Variants in PRPF39 observed in about 807,000 individuals in gnomAD.
The protein encoded by PRPF39 is pre-mRNA-processing factor 39.
In PRPF39, 27 loss-of-function variants were observed where a neutral mutation model predicts 82.1. The ratio of observed to expected loss-of-function variants is 0.33; its 90% CI spans 0.24 to 0.45. The LOEUF (loss-of-function observed/expected upper bound fraction) is 0.45. Among genes scored for constraint, PRPF39 ranks in the 20% least tolerant of loss-of-function variants. The pLI, the probability that PRPF39 is intolerant of heterozygous loss-of-function variation, is 1.00. For missense variants in PRPF39, 581 were observed against 796.9 expected (o/e 0.73, Z 3.26); for synonymous variants, 261 against 256.4 (o/e 1.02, Z -0.17).
At position 45,110,512 on chromosome 14, in the gene PRPF39, T is replaced by C. The variant is rs1268491561; in HGVS notation, c.1304-37T>C. On this transcript the variant is annotated intron_variant, in intron 9 of 13. Coordinates refer to ENST00000355765, the MANE Select transcript of PRPF39 (RefSeq NM_017922.4). This position sits in a 1 kb window ranked among gnomAD's most constrained non-coding sequence, Gnocchi z 4.0. Reference sequence around the variant, plus strand: ...TGGTTATAAACGTTATTTTGGTTGTTTAAACCAAAGCATAAACATTTAATT... The same window carrying C: ...TGGTTATAAACGTTATTTTGGTTGTCTAAACCAAAGCATAAACATTTAATT... The C allele has an allele frequency of 3.3e-6, 5 of 1,534,006 alleles. No homozygotes were observed. In the South Asian group the frequency reaches 6.0e-5, roughly 19 times the overall value.
intron 1 of PRPF39, among the ~76,000 whole-genome samples, chr14:45,087,616 C>G (rs1264853538): frequency 2.7e-4 from 41 of 151,894 alleles, no homozygotes; most frequent in Non-Finnish European, 2.5e-4. Context: ...CTCTGTCACC[C>G]AGGCTGGAGT....
intron 4 of PRPF39, among the ~76,000 whole-genome samples, chr14:45,102,065 C>T (rs1441969278): frequency 6.6e-6 from 1 of 152,116 alleles, no homozygotes; most frequent in African/African-American, 2.4e-5. Flanking sequence ...CCTCAGCCTC[C>T]CTAAGTGCTG....
chr14:45,111,161 G>A (rs1348842044), intron 10 of PRPF39, among the ~76,000 whole-genome samples: 1 of 152,178 alleles, frequency 6.6e-6, no homozygotes, highest in African/African-American at 2.4e-5. Context: ...TGCCTATGTT[G>A]TAAGCACATT....
intron 4 of PRPF39, among the ~76,000 whole-genome samples, chr14:45,100,759 G>T (rs1884350575): frequency 6.6e-6 from 1 of 152,110 alleles, no homozygotes; most frequent in Non-Finnish European, 1.5e-5. Flanking sequence ...TCCAATGTTG[G>T]TATGTTTTTA....
In PRPF39 at chr14:45,110,029, C is replaced by T; in HGVS notation, c.1177-65C>T. 1 of 1,600,472 alleles carries T rather than the reference C, an allele frequency of 6.2e-7. No individual in the cohort carries two copies. The highest frequency in any genetic ancestry group is 8.5e-7 in the Non-Finnish European group (1 of 1,171,672). ...GGTTTAAAAATAGAATTTTATCGTT[C>T]TGTCACAAATTTAATGGCTTGTTCA... On this transcript the variant is annotated intron_variant, in intron 8 of 13. Transcript: ENST00000355765. The surrounding 1 kb of genome is among the most constrained non-coding windows in gnomAD (Gnocchi z 4.0).
In PRPF39 at chr14:45,109,055, C is replaced by T. The variant is rs146166692; in HGVS notation, c.1011+533C>T. 4.1e-3 allele frequency among the ~76,000 whole-genome samples: 623 copies of T among 152,264 alleles called. 4 individuals carry two copies. The highest frequency in any genetic ancestry group is 0.014 in the African/African-American group (576 of 41,536). On this transcript the variant is annotated intron_variant, in intron 7 of 13. Coordinates refer to ENST00000355765, the MANE Select transcript of PRPF39 (RefSeq NM_017922.4). Reference sequence around the variant, plus strand: ...AAATAACACCTTAACTTTTAGTTGTCACTACCCCTACCTCCTCAGCTGCGA... The same window carrying T: ...AAATAACACCTTAACTTTTAGTTGTTACTACCCCTACCTCCTCAGCTGCGA...
intron 4 of PRPF39, among the ~76,000 whole-genome samples, chr14:45,097,411 A>T (rs991520637): frequency 1.3e-5 from 2 of 152,106 alleles, no homozygotes; most frequent in African/African-American, 4.8e-5. Context: ...AAAGTACTCT[A>T]TTTCACCAAA....
At chr14:45,100,003 G>A (rs1884324080) in intron 4 of PRPF39, among the ~76,000 whole-genome samples, 1 of 152,098 alleles carries the variant, frequency 6.6e-6, no homozygotes, top group East Asian at 1.9e-4. Context: ...CAGGCACAGT[G>A]GATCACTTGA....
chr14:45,096,295 ATTTTTTTTTTTT>A lies in PRPF39; in HGVS notation c.450+77_450+88del. ...TAAGCCAATTAATAACAAAACAAAGATTTTTTTTTTTTTTTTTTTTTGGCTGGCAGTACCTAC... is the reference window on the plus strand; with the variant it reads ...TAAGCCAATTAATAACAAAACAAAGATTTTTTTTTGGCTGGCAGTACCTAC... On this transcript the variant is annotated intron_variant, in intron 3 of 13. Transcript: ENST00000355765. The A allele has an allele frequency of 6.2e-6, 8 of 1,288,702 alleles. No individual in the cohort carries two copies. In the South Asian group the frequency reaches 9.4e-5, roughly 15 times the overall value. The allele number at this position is 1,288,702 out of a possible 1,614,324, so 79.8% of individuals were successfully genotyped here.
In PRPF39 at chr14:45,098,663, TA is replaced by T. The variant is rs1206081859; in HGVS notation, c.569+1664del. Among the ~76,000 whole-genome samples the T allele has an allele frequency of 6.6e-5, 10 of 152,312 alleles. No homozygotes were observed. In the East Asian group the frequency reaches 1.7e-3, roughly 26 times the overall value. ...TAGCTTTCTATACAATCAGATCTGT[TA>T]AAAAATGTGTAAGTCCCATTTTTTC... On this transcript the variant is annotated intron_variant, in intron 4 of 13. Coordinates refer to ENST00000355765, the MANE Select transcript of PRPF39 (RefSeq NM_017922.4).
Position 45,115,623 on chromosome 14 carries a change from G to C in PRPF39, c.*710G>C, listed in dbSNP as rs1222273475. 1 of 152,436 alleles carries C rather than the reference G, an allele frequency of 6.6e-6. No individual in the cohort carries two copies. The highest frequency in any genetic ancestry group is 1.5e-5 in the Non-Finnish European group (1 of 67,988). 9.4% of individuals were successfully genotyped at this position (152,436 alleles called of 1,614,324 possible). A position where few individuals can be genotyped will look rare whatever the true frequency, so the allele number is the denominator to read the frequency against. ...GTAATTGTTTATGAATTTATTTTGGGGGGATCAATTAGTAATATTAACCTT... is the reference window on the plus strand; with the variant it reads ...GTAATTGTTTATGAATTTATTTTGGCGGGATCAATTAGTAATATTAACCTT... On this transcript the variant is annotated 3_prime_UTR_variant, in exon 14 of 14. Coordinates refer to ENST00000355765, the MANE Select transcript of PRPF39 (RefSeq NM_017922.4).
intron 4 of PRPF39, among the ~76,000 whole-genome samples, chr14:45,101,809 CTT>C (rs34278709): frequency 2.0e-4 from 27 of 137,558 alleles, no homozygotes; most frequent in Non-Finnish European, 2.2e-4. Flanking sequence ...TATATGTATA[CTT>C]TTTTTTTTTT....
intron 1 of PRPF39, among the ~76,000 whole-genome samples, chr14:45,091,975 T>G (rs1202102592): frequency 2.0e-5 from 3 of 152,248 alleles, no homozygotes. Flanking sequence ...TCAAGGTTGG[T>G]ATTTCTTAAT....
At chr14:45,084,655 C>G (rs1373270727) in intron 1 of PRPF39, among the ~76,000 whole-genome samples, 1 of 152,102 alleles carries the variant, frequency 6.6e-6, no homozygotes, top group Admixed American at 6.5e-5. Flanking sequence ...CGTTCTATTA[C>G]TAAGGCATGT....
intron 1 of PRPF39, among the ~76,000 whole-genome samples, chr14:45,094,073 A>G (rs548961447): frequency 6.6e-6 from 1 of 152,008 alleles, no homozygotes; most frequent in East Asian, 1.9e-4. Context: ...CCTTTGCATT[A>G]TTGTCTTTAA....
In PRPF39 at chr14:45,096,511, C is replaced by G. The variant is rs1342580973; in HGVS notation, c.450+283C>G. 2.1e-6 allele frequency: 3 copies of G among 1,440,694 alleles called. No individual in the cohort carries two copies. In the Admixed American group the frequency reaches 6.3e-5, roughly 30 times the overall value. The allele number at this position is 1,440,694 out of a possible 1,614,324, so 89.2% of individuals were successfully genotyped here. A position where few individuals can be genotyped will look rare whatever the true frequency, so the allele number is the denominator to read the frequency against. On this transcript the variant is annotated intron_variant, in intron 3 of 13. Coordinates refer to ENST00000355765, the MANE Select transcript of PRPF39 (RefSeq NM_017922.4). Reference sequence around the variant, plus strand: ...TTAACAAGTAGGGCAGGGCTTTTCTCTCACTTACATTTATTTCTCATTTTC... The same window carrying G: ...TTAACAAGTAGGGCAGGGCTTTTCTGTCACTTACATTTATTTCTCATTTTC...
chr14:45,112,001 T>C (rs1854212320), intron 10 of PRPF39, among the ~76,000 whole-genome samples: 1 of 152,112 alleles, frequency 6.6e-6, no homozygotes, highest in South Asian at 2.1e-4. Context: ...TTTTTTTTTA[T>C]GTTTTGTTTT....
rs925137947 is a variant in PRPF39 at position 45,095,194 on chromosome 14, A to G, written c.-19-27A>G. On this transcript the variant is annotated intron_variant, in intron 1 of 13. Coordinates refer to ENST00000355765, the MANE Select transcript of PRPF39 (RefSeq NM_017922.4). ...ATAATTTTATTGGCATTTGGAAGATATTTCTCTTTTTTTCGTGTTTCCACA... is the reference window on the plus strand; with the variant it reads ...ATAATTTTATTGGCATTTGGAAGATGTTTCTCTTTTTTTCGTGTTTCCACA... 7.1e-6 allele frequency: 10 copies of G among 1,412,216 alleles called. 1 individual carries two copies. The Middle Eastern group carries it at 5.5e-4, about 77-fold the overall frequency. 87.5% of individuals were successfully genotyped at this position (1,412,216 alleles called of 1,614,324 possible).
At position 45,095,557 on chromosome 14, in the gene PRPF39, A is replaced by G. The variant is rs1235859689; in HGVS notation, c.318A>G (p.Glu106=). Residue 106 remains glutamate (E), a synonymous_variant, in exon 2 of 14, where the codon GAA becomes GAG. Coordinates refer to ENST00000355765, the MANE Select transcript of PRPF39 (RefSeq NM_017922.4). ...TGWVYLLQYV[E]QENHLMAARK... is the part of the protein sequence containing the mutation. ...GGGTATATTTGCTTCAATATGTAGA[A>G]CAGGAGGTTAGTAACTATTAAAATG... 2 of 1,592,270 alleles carry G rather than the reference A, an allele frequency of 1.3e-6. No individual in the cohort carries two copies. Among genetic ancestry groups the G allele is most frequent in the Admixed American group, 3.6e-5 (2 of 55,744 alleles).
Sources: allele counts gnomAD v4.1 joint callset (sites outside exome capture counted in the v4.1 genomes callset), GRCh38; gene constraint gnomAD v4.1.1; non-coding constraint Gnocchi (gnomAD v3.1); transcripts MANE v1.5; gene names NCBI Gene and HGNC (gene_info 2026-07-23, HGNC 2026-07-21).